WWTR1: variants seen among roughly 807,000 people sequenced by gnomAD.
The protein encoded by WWTR1 is WW domain-containing transcription regulator protein 1.
WWTR1 carries 13 observed loss-of-function variants against 40.1 expected under a neutral mutation model. That is an observed-to-expected ratio of 0.32 (90% confidence interval 0.21 to 0.52). The LOEUF (loss-of-function observed/expected upper bound fraction) is 0.52, where lower values mean the gene tolerates loss of function less well. WWTR1 is among the 20% of genes least tolerant of loss of function. The probability of loss-of-function intolerance (pLI) is 0.97; values close to 1 mark genes in which losing one functional copy is unlikely to be tolerated. For missense variants in WWTR1, 436 were observed against 523.1 expected (o/e 0.83, Z 1.63); for synonymous variants, 230 against 210.1 (o/e 1.09, Z -0.82).
At chr3:149,632,527 A>C (rs1711593577) in intron 2 of WWTR1, among the ~76,000 whole-genome samples, 1 of 152,220 alleles carries the variant, frequency 6.6e-6, no homozygotes, top group Non-Finnish European at 1.5e-5. Flanking sequence ...AAAGCCATTA[A>C]GCCCAGATCC....
At position 149,612,308 on chromosome 3, in the gene WWTR1, ATT is replaced by A. The variant is rs529906116; in HGVS notation, c.432-39310_432-39309del. Reference sequence around the variant, plus strand: ...TAATGAAATCTGGTCAATTCACATAATTTTGTTACAATGGGCATTGGGTAAAC... The same window carrying A: ...TAATGAAATCTGGTCAATTCACATAATTGTTACAATGGGCATTGGGTAAAC... On this transcript the variant is annotated intron_variant, in intron 2 of 6. Transcript: ENST00000360632. Among the ~76,000 whole-genome samples the A allele has an allele frequency of 4.7e-3, 715 of 150,804 alleles. 5 individuals carry two copies. The highest frequency in any genetic ancestry group is 0.017 in the African/African-American group (683 of 41,208).
chr3:149,618,032 T>C (rs896895305), intron 2 of WWTR1, among the ~76,000 whole-genome samples: 2 of 152,310 alleles, frequency 1.3e-5, no homozygotes, highest in African/African-American at 2.4e-5. Context: ...GGGAGATTTT[T>C]CCCCCTTAAT....
upstream of WWTR1, among the ~76,000 whole-genome samples, chr3:149,705,226 G>A (rs1386399265): frequency 6.6e-6 from 1 of 151,990 alleles, no homozygotes; most frequent in African/African-American, 2.4e-5. Flanking sequence ...AAATTGATGG[G>A]GAGGAGCTCA....
At chr3:149,687,968 T>C (rs532372067) in intron 1 of WWTR1, among the ~76,000 whole-genome samples, 2 of 151,826 alleles carry the variant, frequency 1.3e-5, no homozygotes, top group Non-Finnish European at 2.9e-5. Flanking sequence ...CAGGCAGTTG[T>C]TGCCATGGAC....
upstream of WWTR1, among the ~76,000 whole-genome samples, chr3:149,661,978 G>A (rs1030860506): frequency 4.0e-5 from 6 of 150,690 alleles, no homozygotes; most frequent in African/African-American, 1.5e-4. Flanking sequence ...TGATCCACCC[G>A]CCTCCACCTC....
chr3:149,603,010 A>C (rs886462793), intron 2 of WWTR1, among the ~76,000 whole-genome samples: 11 of 150,088 alleles, frequency 7.3e-5, no homozygotes, highest in South Asian at 4.2e-4. Context: ...AAATAAATAA[A>C]TAACCAGGCT....
At chr3:149,603,309 G>A (rs1306231819) in intron 2 of WWTR1, among the ~76,000 whole-genome samples, 1 of 152,106 alleles carries the variant, frequency 6.6e-6, no homozygotes, top group Non-Finnish European at 1.5e-5. Context: ...ATCAAGCTGG[G>A]CAGAGACATA....
intron 2 of WWTR1, among the ~76,000 whole-genome samples, chr3:149,609,694 A>T (rs1246226509): frequency 6.6e-6 from 1 of 152,176 alleles, no homozygotes; most frequent in Non-Finnish European, 1.5e-5. Context: ...ATGTTTCTCG[A>T]CCTTTGCACT....
chr3:149,663,998 T>C (rs1713699324), intron 2 of WWTR1, among the ~76,000 whole-genome samples: 1 of 152,264 alleles, frequency 6.6e-6, no homozygotes, highest in Non-Finnish European at 1.5e-5. Context: ...CAGTGGATTT[T>C]GCCCCTGCTA....
At chr3:149,640,636 G>C (rs953848367) in intron 2 of WWTR1, among the ~76,000 whole-genome samples, 1 of 151,888 alleles carries the variant, frequency 6.6e-6, no homozygotes, top group Non-Finnish European at 1.5e-5. Context: ...GGCCAGGCTG[G>C]TCTCAAACTC....
At chr3:149,547,507 C>T (rs992226187) in intron 3 of WWTR1, among the ~76,000 whole-genome samples, 1 of 151,848 alleles carries the variant, frequency 6.6e-6, no homozygotes, top group Admixed American at 6.6e-5. Context: ...GCCTGAGCAA[C>T]AAGAGCGAAA....
At chr3:149,565,499 A>G (rs1737272648) in intron 3 of WWTR1, among the ~76,000 whole-genome samples, 1 of 152,146 alleles carries the variant, frequency 6.6e-6, no homozygotes, top group Non-Finnish European at 1.5e-5. Context: ...CATAAGATTT[A>G]TTTTTTATAT....
chr3:149,622,797 G>A (rs1421963985), intron 2 of WWTR1, among the ~76,000 whole-genome samples: 1 of 152,192 alleles, frequency 6.6e-6, no homozygotes, highest in Admixed American at 6.5e-5. Flanking sequence ...GGCTGAGGGA[G>A]AAGGATCACT....
chr3:149,671,634 T>C (rs2108192108), intron 1 of WWTR1, among the ~76,000 whole-genome samples: 1 of 152,340 alleles, frequency 6.6e-6, no homozygotes, highest in South Asian at 2.1e-4. Context: ...CTTTGAAATA[T>C]CCAATTGAAT....
chr3:149,529,131 T>G (rs2107911842), intron 4 of WWTR1, among the ~76,000 whole-genome samples: 1 of 152,330 alleles, frequency 6.6e-6, no homozygotes, highest in South Asian at 2.1e-4. Flanking sequence ...CAAACCAAGG[T>G]TAGGCCTTTC....
At chr3:149,559,382 G>A (rs1364239734) in intron 3 of WWTR1, among the ~76,000 whole-genome samples, 1 of 151,256 alleles carries the variant, frequency 6.6e-6, no homozygotes, top group African/African-American at 2.4e-5. Context: ...GGGTAAAGGA[G>A]AATGATGTCT....
chr3:149,555,484 G>GAA (rs746791957), intron 3 of WWTR1, among the ~76,000 whole-genome samples: 8 of 124,838 alleles, frequency 6.4e-5, no homozygotes, highest in Non-Finnish European at 8.6e-5. Flanking sequence ...GACCACTCAG[G>GAA]AAAAAAAAAA....
At chr3:149,705,084 A>C (rs564810303), upstream of WWTR1, among the ~76,000 whole-genome samples, 1 of 152,238 alleles carries the variant, frequency 6.6e-6, no homozygotes, top group Non-Finnish European at 1.5e-5. Context: ...TTATATGATA[A>C]AGTTGAGAAA....
chr3:149,711,964 CAATGTT>C (rs1715487228), intron 5 of WWTR1, among the ~76,000 whole-genome samples: 1 of 152,112 alleles, frequency 6.6e-6, no homozygotes, highest in Non-Finnish European at 1.5e-5. Context: ...CCTTCCCAAC[CAATGTT>C]AACTTCTTGA....
Sources: allele counts gnomAD v4.1 joint callset (sites outside exome capture counted in the v4.1 genomes callset), GRCh38; gene constraint gnomAD v4.1.1; transcripts MANE v1.5; gene names NCBI Gene and HGNC (gene_info 2026-07-23, HGNC 2026-07-21).